Variants in TLN2 observed in about 807,000 individuals in gnomAD.
TLN2 encodes talin 2.
A neutral mutation model predicts 294.7 loss-of-function variants in TLN2; 118 were observed. The observed-to-expected ratio is 0.40, with a 90% CI of 0.34 to 0.47. The LOEUF is 0.47. TLN2 is among the 20% of genes least tolerant of loss of function. The pLI is 0.84. For synonymous variants in TLN2, 1,431 were observed against 1,304.5 expected (o/e 1.10, Z -2.09); for missense variants, 3,083 against 3,282.2 (o/e 0.94, Z 1.48).
intron 1 of TLN2, among the ~76,000 whole-genome samples, chr15:62,407,010 C>T (rs2033449976): frequency 6.6e-6 from 1 of 152,136 alleles, no homozygotes. Context: ...GTCAGACTGC[C>T]TTCTGTCTCA....
At position 62,783,737 on chromosome 15, in the gene TLN2, GT is replaced by G. The variant is rs2064393357; in HGVS notation, c.5617-33del. On this transcript the variant is annotated intron_variant, in intron 44 of 58. Transcript: ENST00000636159. ...CGTTTCTCTCTGTGTGTGTGTGTGTGTGTGTGTGTGTCTTGCTTGTTTTCTT... is the reference window on the plus strand; with the variant it reads ...CGTTTCTCTCTGTGTGTGTGTGTGTGGTGTGTGTGTCTTGCTTGTTTTCTT... 4.5e-6 allele frequency: 7 copies of G among 1,558,524 alleles called. No individual in the cohort carries two copies. In the Admixed American group the frequency reaches 1.3e-4, roughly 28 times the overall value.
At chr15:62,658,271 C>CCAG (rs2053446397) in intron 9 of TLN2, 1 of 181,336 alleles carries the variant, frequency 5.5e-6, no homozygotes, top group African/African-American at 2.4e-5. Flanking sequence ...GTAGGATGTG[C>CCAG]CAGTCAGCAT....
chr15:62,441,978 G>A (rs990991728), intron 1 of TLN2, among the ~76,000 whole-genome samples: 2 of 152,056 alleles, frequency 1.3e-5, no homozygotes, highest in Non-Finnish European at 2.9e-5. Context: ...GCTTGGTAAT[G>A]TTGTTAATAA....
chr15:62,689,217 A>G (rs1427792666), intron 12 of TLN2, among the ~76,000 whole-genome samples: 4 of 152,108 alleles, frequency 2.6e-5, no homozygotes, highest in Non-Finnish European at 5.9e-5. Context: ...GAAATTAAAC[A>G]CAGTCTACTG....
At chr15:62,650,645 A>G (rs2052484169) in intron 5 of TLN2, among the ~76,000 whole-genome samples, 1 of 152,226 alleles carries the variant, frequency 6.6e-6, no homozygotes, top group Non-Finnish European at 1.5e-5. Context: ...AACAACAAAA[A>G]TGGTTGTGTT....
At chr15:62,739,244 C>T in intron 30 of TLN2, 104 bp from the exon 31 acceptor site, 3 of 1,304,936 alleles carry the variant, frequency 2.3e-6, no homozygotes, top group Non-Finnish European at 3.1e-6. Flanking sequence ...CGTGATGACT[C>T]AAATGCATCT....
chr15:62,635,604 G>A (rs996314322), intron 3 of TLN2, among the ~76,000 whole-genome samples: 1 of 152,116 alleles, frequency 6.6e-6, no homozygotes, highest in Admixed American at 6.5e-5. Flanking sequence ...GATCAGACAT[G>A]GAAGTCTAGA....
At chr15:62,454,871 T>C (rs547644878) in intron 1 of TLN2, among the ~76,000 whole-genome samples, 143 of 152,220 alleles carry the variant, frequency 9.4e-4, no homozygotes, top group African/African-American at 3.3e-3. Context: ...AGACCCTCCC[T>C]TCTGCTGACC....
At chr15:62,395,458 G>C (rs574428250) in intron 1 of TLN2, among the ~76,000 whole-genome samples, 1 of 151,980 alleles carries the variant, frequency 6.6e-6, no homozygotes, top group African/African-American at 2.4e-5. Context: ...CTCTCTGCTC[G>C]ATGGGGCAGG....
chr15:62,773,872 TG>T (rs2063514335), intron 42 of TLN2, among the ~76,000 whole-genome samples: 1 of 152,160 alleles, frequency 6.6e-6, no homozygotes, highest in African/African-American at 2.4e-5. Context: ...ATAGTAGATA[TG>T]TTTTTTAAAA....
chr15:62,535,467 T>TACACACACACAC (rs35591215), intron 1 of TLN2, among the ~76,000 whole-genome samples: 1 of 148,904 alleles, frequency 6.7e-6, no homozygotes, highest in African/African-American at 2.5e-5. Flanking sequence ...TGTCTGTGTG[T>TACACACACACAC]ACACACACAC....
rs2053377226 is a variant in TLN2 at position 62,657,648 on chromosome 15, C to T, written c.661-123C>T. The T allele has an allele frequency of 9.9e-6, 14 of 1,409,296 alleles. No homozygotes were observed. In the Middle Eastern group the frequency reaches 8.8e-4, roughly 89 times the overall value. The allele number at this position is 1,409,296 out of a possible 1,614,324, so 87.3% of individuals were successfully genotyped here. A position where few individuals can be genotyped will look rare whatever the true frequency, so the allele number is the denominator to read the frequency against. On this transcript the variant is annotated intron_variant, in intron 8 of 58. Coordinates refer to ENST00000636159, the MANE Select transcript of TLN2 (RefSeq NM_015059.3). ...ATCCACTGTGTCCTGCACATGTCAC[C>T]GTGGGTTGGCTGGCACTGTCCCCTG...
At chr15:62,486,209 T>G (rs1046285002) in intron 1 of TLN2, among the ~76,000 whole-genome samples, 1 of 152,214 alleles carries the variant, frequency 6.6e-6, no homozygotes, top group Non-Finnish European at 1.5e-5. Flanking sequence ...TTTCTTCTTT[T>G]TCTTTTTTGC....
chr15:62,764,559 G>C (rs985118786), intron 40 of TLN2, among the ~76,000 whole-genome samples: 1 of 152,122 alleles, frequency 6.6e-6, no homozygotes, highest in Non-Finnish European at 1.5e-5. Flanking sequence ...TATTCTTTTG[G>C]ATCTGTTATT....
intron 1 of TLN2, among the ~76,000 whole-genome samples, chr15:62,559,522 A>G (rs1223995088): frequency 6.6e-6 from 1 of 152,204 alleles, no homozygotes; most frequent in East Asian, 1.9e-4. Context: ...CATGTGCATT[A>G]TATCACTAGC....
intron 51 of TLN2, among the ~76,000 whole-genome samples, chr15:62,809,192 A>C (rs1035923861): frequency 6.6e-6 from 1 of 152,190 alleles, no homozygotes; most frequent in African/African-American, 2.4e-5. Context: ...CTGAAATTCA[A>C]ATTTAACTGG....
chr15:62,801,832 T>C (rs1381758337), intron 50 of TLN2, among the ~76,000 whole-genome samples: 2 of 152,196 alleles, frequency 1.3e-5, no homozygotes, highest in African/African-American at 4.8e-5. Flanking sequence ...TTGATTTTTG[T>C]GGGTACATAG....
intron 1 of TLN2, among the ~76,000 whole-genome samples, chr15:62,501,751 G>A (rs1046983113): frequency 6.6e-6 from 1 of 152,254 alleles, no homozygotes; most frequent in Non-Finnish European, 1.5e-5. Flanking sequence ...GAAGGTGGCA[G>A]ATGATTGCAT....
intron 12 of TLN2, among the ~76,000 whole-genome samples, chr15:62,687,607 A>G (rs2057391942): frequency 6.6e-6 from 1 of 152,204 alleles, no homozygotes; most frequent in South Asian, 2.1e-4. Context: ...AATAAGAAAA[A>G]TCAAAAAGTG....
Sources: allele counts gnomAD v4.1 joint callset (sites outside exome capture counted in the v4.1 genomes callset), GRCh38; gene constraint gnomAD v4.1.1; transcripts MANE v1.5; gene names NCBI Gene and HGNC (gene_info 2026-07-23, HGNC 2026-07-21).